TLN2: variants seen among roughly 807,000 people sequenced by gnomAD.
TLN2 encodes talin 2, also known as talin-2.
Under a neutral mutation model 294.7 loss-of-function variants are expected in TLN2, and 118 were observed. The observed-to-expected ratio is 0.40, with a 90% CI of 0.34 to 0.47. The LOEUF is 0.47. TLN2 is among the 20% of genes least tolerant of loss of function. The pLI, the probability that TLN2 is intolerant of heterozygous loss-of-function variation, is 0.84. For missense variants in TLN2, 3,083 were observed against 3,282.2 expected, an observed-to-expected ratio of 0.94 and a Z score of 1.48; for synonymous variants, 1,431 against 1,304.5, an observed-to-expected ratio of 1.10 and a Z score of -2.09.
intron 21 of TLN2, among the ~76,000 whole-genome samples, chr15:62,711,624 C>T (rs760559080): frequency 6.6e-6 from 1 of 152,130 alleles, no homozygotes; most frequent in Non-Finnish European, 1.5e-5. Flanking sequence ...AATTTTGTTC[C>T]CTGCCCTCTC....
intron 1 of TLN2, among the ~76,000 whole-genome samples, chr15:62,403,808 T>G (rs924401100): frequency 2.6e-5 from 4 of 152,226 alleles, no homozygotes; most frequent in African/African-American, 4.8e-5. Context: ...TCACCTCTTA[T>G]GAGGTCACGC....
At chr15:62,783,546 C>T (rs955049740) in intron 44 of TLN2, among the ~76,000 whole-genome samples, 22 of 152,236 alleles carry the variant, frequency 1.4e-4, no homozygotes, top group African/African-American at 4.6e-4. Context: ...CTGAGCGGGG[C>T]CCTGCGAGGG....
At chr15:62,733,218 C>T (rs1007220557) in intron 28 of TLN2, among the ~76,000 whole-genome samples, 1 of 152,114 alleles carries the variant, frequency 6.6e-6, no homozygotes, top group African/African-American at 2.4e-5. Context: ...TCTCTAGAGC[C>T]ATAGACACAG....
intron 8 of TLN2, 30 bp from the exon 9 acceptor site, chr15:62,657,741 C>T: frequency 1.2e-6 from 2 of 1,608,596 alleles, no homozygotes; most frequent in Non-Finnish European, 1.7e-6. Context: ...CCCGAAGCCT[C>T]TGATGCTTTT....
At chr15:62,602,498 A>T (rs2047083658) in intron 2 of TLN2, among the ~76,000 whole-genome samples, 1 of 152,222 alleles carries the variant, frequency 6.6e-6, no homozygotes, top group Admixed American at 6.5e-5. Flanking sequence ...CTCATCTATG[A>T]AATCTTACTC....
chr15:62,657,854 A>C lies in TLN2; in HGVS notation c.744A>C (p.Gln248His). The change falls in exon 9 of 59, where the codon CAA becomes CAC. Residue 248 changes from glutamine (Q) to histidine (H), a missense_variant. Physicochemically the swap from Gln to His is conservative, Grantham distance 24. Coordinates refer to ENST00000636159, the MANE Select transcript of TLN2 (RefSeq NM_015059.3). ...TTGGTGGATTTCAAGCCCAGATACA[A>C]TTTGGACCTCATGTGGAACATAAAC... ...CEFGGFQAQIQFGPHVEHKHK... is the reference protein window; with the variant it reads ...CEFGGFQAQIHFGPHVEHKHK... The C allele has an allele frequency of 1.2e-6, 2 of 1,613,978 alleles. No homozygotes were observed. Among genetic ancestry groups the C allele is most frequent in the Non-Finnish European group, 1.7e-6 (2 of 1,179,940 alleles).
intron 1 of TLN2, among the ~76,000 whole-genome samples, chr15:62,529,103 T>A (rs2040894189): frequency 6.6e-6 from 1 of 150,598 alleles, no homozygotes; most frequent in African/African-American, 2.5e-5. Flanking sequence ...GCTTTTTTTT[T>A]TTGTGTGTGT....
At chr15:62,482,014 C>T (rs1197663285) in intron 1 of TLN2, among the ~76,000 whole-genome samples, 2 of 151,778 alleles carry the variant, frequency 1.3e-5, no homozygotes, top group African/African-American at 2.4e-5. Context: ...CCAGGCTGGT[C>T]TCGAACTCCT....
chr15:62,798,295 G>A (rs1003786642), intron 48 of TLN2, among the ~76,000 whole-genome samples: 9 of 152,088 alleles, frequency 5.9e-5, no homozygotes, highest in Non-Finnish European at 1.3e-4. Flanking sequence ...TGTGACTTCC[G>A]CTTCTGATAT....
At chr15:62,687,226 A>G (rs2057358694) in intron 12 of TLN2, among the ~76,000 whole-genome samples, 1 of 152,140 alleles carries the variant, frequency 6.6e-6, no homozygotes. Context: ...CTGCCTAGAA[A>G]GAGAGCATAG....
chr15:62,535,467 TACACACACACAC>T (rs35591215), intron 1 of TLN2, among the ~76,000 whole-genome samples: 5 of 148,904 alleles, frequency 3.4e-5, no homozygotes, highest in African/African-American at 7.4e-5. Context: ...TGTCTGTGTG[TACACACACACAC>T]ACACACACAC....
rs536733410 is a variant in TLN2 at position 62,604,883 on chromosome 15, G to A, written c.-161-13468G>A. ...GGGCAAAATTTTCTCATTATTTGCC[G>A]CTGCCGCCGCCTCCTCCTCCTCCTC... On this transcript the variant is annotated intron_variant, in intron 2 of 58. Coordinates refer to ENST00000636159, the MANE Select transcript of TLN2 (RefSeq NM_015059.3). Among the ~76,000 whole-genome samples, 11 of 151,868 alleles carry A rather than the reference G, an allele frequency of 7.2e-5. No homozygotes were observed. In the South Asian group the frequency reaches 1.0e-3, roughly 14 times the overall value.
chr15:62,773,368 A>C (rs529946309), intron 42 of TLN2, among the ~76,000 whole-genome samples: 12 of 152,112 alleles, frequency 7.9e-5, no homozygotes, highest in Non-Finnish European at 1.3e-4. Context: ...AGTGTGAAGT[A>C]GTTTTCAGTA....
intron 1 of TLN2, among the ~76,000 whole-genome samples, chr15:62,513,537 G>A (rs1193401884): frequency 2.0e-5 from 3 of 152,218 alleles, no homozygotes; most frequent in Non-Finnish European, 1.5e-5. Flanking sequence ...ACAGTGGAGG[G>A]AGTGTATCCC....
intron 1 of TLN2, among the ~76,000 whole-genome samples, chr15:62,447,306 A>C (rs1379240231): frequency 2.6e-5 from 4 of 151,980 alleles, no homozygotes; most frequent in African/African-American, 9.7e-5. Flanking sequence ...GGAAAGTTTT[A>C]CGAGGTAGTG....
At chr15:62,442,228 C>A (rs1435876600) in intron 1 of TLN2, among the ~76,000 whole-genome samples, 1 of 151,760 alleles carries the variant, frequency 6.6e-6, no homozygotes, top group Non-Finnish European at 1.5e-5. Flanking sequence ...TGGTGTGTTG[C>A]CTCATGCCTG....
At chr15:62,743,317 C>G (rs546840303) in intron 32 of TLN2, among the ~76,000 whole-genome samples, 3 of 151,964 alleles carry the variant, frequency 2.0e-5, no homozygotes, top group Non-Finnish European at 4.4e-5. Context: ...ACCAACTCAG[C>G]CCTGTCCCAC....
chr15:62,649,585 A>G (rs1285996507), intron 4 of TLN2, among the ~76,000 whole-genome samples: 2 of 152,074 alleles, frequency 1.3e-5, no homozygotes, highest in African/African-American at 4.8e-5. Flanking sequence ...CTCATCTCAC[A>G]AGGAACTCCT....
intron 28 of TLN2, among the ~76,000 whole-genome samples, chr15:62,735,155 G>T (rs941770541): frequency 5.9e-5 from 9 of 152,218 alleles, no homozygotes; most frequent in African/African-American, 2.2e-4. Flanking sequence ...ACCTCTGGAA[G>T]TGTTTGTGGG....
Sources: allele counts gnomAD v4.1 joint callset (sites outside exome capture counted in the v4.1 genomes callset), GRCh38; gene constraint gnomAD v4.1.1; transcripts MANE v1.5; gene names NCBI Gene and HGNC (gene_info 2026-07-23, HGNC 2026-07-21).